The following MEF2C variants were observed in gnomAD, a reference collection of about 807,000 sequenced individuals.
The protein encoded by MEF2C is myocyte enhancer factor 2C, also known as myocyte-specific enhancer factor 2C.
A neutral mutation model predicts 50.5 loss-of-function variants in MEF2C; 6 were observed. The observed-to-expected ratio is 0.12, with a 90% CI of 0.07 to 0.23. The LOEUF is 0.23. MEF2C is among the 10% of genes least tolerant of loss of function. The pLI is 1.00. For synonymous variants in MEF2C, 183 were observed against 228.0 expected (o/e 0.80, Z 1.78); for missense variants, 276 against 605.0 (o/e 0.46, Z 5.70).
At chr5:88,740,511 C>T in intron 6 of MEF2C, 2 of 983,246 alleles carry the variant, frequency 2.0e-6, no homozygotes, top group Non-Finnish European at 2.4e-6. Context: ...GCTTAAGAAG[C>T]TTCCGTTACT....
At chr5:88,731,971 C>A (rs1761874633) in intron 6 of MEF2C, 70 bp from the exon 7 acceptor site, 5 of 1,387,228 alleles carry the variant, frequency 3.6e-6, no homozygotes, top group African/African-American at 1.5e-5. Context: ...GAATACACAA[C>A]ATGAGAATAA....
chr5:88,870,613 C>T (rs1418130168), intron 1 of MEF2C, among the ~76,000 whole-genome samples: 1 of 152,042 alleles, frequency 6.6e-6, no homozygotes, highest in Non-Finnish European at 1.5e-5. Context: ...TGAACATCAT[C>T]CAACCACCTC....
chr5:88,832,875 G>T (rs60586472), intron 1 of MEF2C, among the ~76,000 whole-genome samples: 1,532 of 152,168 alleles, frequency 0.01, 26 homozygotes, highest in African/African-American at 0.036. Flanking sequence ...GGTACTTGAT[G>T]CAGGCTGTCA....
intron 3 of MEF2C, among the ~76,000 whole-genome samples, chr5:88,786,044 A>G (rs1790717647): frequency 6.6e-6 from 1 of 152,014 alleles, no homozygotes; most frequent in Admixed American, 6.5e-5. Context: ...GAGCCAGGCT[A>G]TTTTTAGTTA....
intron 6 of MEF2C, chr5:88,740,552 G>A: frequency 1.0e-6 from 1 of 984,818 alleles, no homozygotes; most frequent in Non-Finnish European, 1.2e-6. Context: ...GCAAGGAAGA[G>A]GCTTTGATTT....
chr5:88,781,424 C>G (rs548756702), intron 3 of MEF2C, among the ~76,000 whole-genome samples: 1 of 152,174 alleles, frequency 6.6e-6, no homozygotes, highest in Admixed American at 6.5e-5. Flanking sequence ...TTTATTATCC[C>G]TTTTTTACTG....
At chr5:88,779,198 C>G (rs1190353432) in intron 3 of MEF2C, among the ~76,000 whole-genome samples, 3 of 152,142 alleles carry the variant, frequency 2.0e-5, no homozygotes, top group African/African-American at 7.2e-5. Flanking sequence ...ATGTCTCAAA[C>G]AGCCATCACC....
At chr5:88,817,498 G>C (rs1198192278) in intron 2 of MEF2C, among the ~76,000 whole-genome samples, 4 of 151,888 alleles carry the variant, frequency 2.6e-5, no homozygotes, top group African/African-American at 4.8e-5. Flanking sequence ...CATAAGAAGA[G>C]GGAAAGTTAG....
intron 3 of MEF2C, among the ~76,000 whole-genome samples, chr5:88,763,747 T>C (rs1233214980): frequency 6.6e-6 from 1 of 151,916 alleles, no homozygotes; most frequent in Admixed American, 6.6e-5. Context: ...CTCCACATTG[T>C]AGGCCCAGAC....
At chr5:88,901,982 C>CTTA (rs987832822) in intron 1 of MEF2C, among the ~76,000 whole-genome samples, 5 of 151,628 alleles carry the variant, frequency 3.3e-5, no homozygotes, top group African/African-American at 1.2e-4. Flanking sequence ...TTTTGGTTTG[C>CTTA]TTATACTTAA....
intron 1 of MEF2C, among the ~76,000 whole-genome samples, chr5:88,863,013 T>C (rs752954525): frequency 6.6e-6 from 1 of 152,144 alleles, no homozygotes; most frequent in African/African-American, 2.4e-5. Flanking sequence ...GAAAAACATA[T>C]GAAAGTCTGC....
intron 1 of MEF2C, among the ~76,000 whole-genome samples, chr5:88,842,695 T>C (rs931304349): frequency 3.9e-5 from 6 of 152,084 alleles, no homozygotes; most frequent in East Asian, 1.9e-4. Context: ...AAATTCGCAG[T>C]AGGAAAAAGG....
intron 1 of MEF2C, among the ~76,000 whole-genome samples, chr5:88,863,732 C>A (rs1826274374): frequency 6.6e-6 from 1 of 152,172 alleles, no homozygotes; most frequent in African/African-American, 2.4e-5. Flanking sequence ...CAAATGAGAT[C>A]ACACAGTATT....
intron 1 of MEF2C, among the ~76,000 whole-genome samples, chr5:88,852,609 G>A (rs748862403): frequency 1.3e-5 from 2 of 151,912 alleles, no homozygotes; most frequent in Admixed American, 6.6e-5. Context: ...GGTGGCTCAC[G>A]CCTGTAATCC....
At chr5:88,759,233 A>G (rs879436270) in intron 4 of MEF2C, among the ~76,000 whole-genome samples, 1 of 152,260 alleles carries the variant, frequency 6.6e-6, no homozygotes, top group Non-Finnish European at 1.5e-5. Flanking sequence ...CTGTAATCCC[A>G]GCACCTTGGG....
At chr5:88,892,009 A>G (rs1409530646) in intron 1 of MEF2C, among the ~76,000 whole-genome samples, 1 of 145,672 alleles carries the variant, frequency 6.9e-6, no homozygotes, top group Non-Finnish European at 1.6e-5. Context: ...ATAATTTTAA[A>G]TTAATAACAA....
rs541775989 is a variant in MEF2C, at chr5:88,738,484, A to G, written c.638-6583T>C. Reference sequence around the variant, plus strand: ...TCCCTATGAAAAATGAGAAATGAGAAAACCGAAGAAAAGAGAGGTCCAGGA... The same window carrying G: ...TCCCTATGAAAAATGAGAAATGAGAGAACCGAAGAAAAGAGAGGTCCAGGA... On this transcript the variant is annotated intron_variant, in intron 6 of 10. Transcript: ENST00000504921. 9.3e-6 allele frequency: 8 copies of G among 859,176 alleles called. No homozygotes were observed. In the East Asian group the frequency reaches 8.5e-4, roughly 92 times the overall value. 53.2% of individuals were successfully genotyped at this position (859,176 alleles called of 1,614,324 possible).
rs777639006 is a variant in MEF2C, at chr5:88,783,555, G to A, written c.258+21043C>T. 1.1e-4 allele frequency among the ~76,000 whole-genome samples: 16 copies of A among 152,198 alleles called. 1 individual carries two copies. Among genetic ancestry groups the A allele is most frequent in the Non-Finnish European group, 1.8e-4 (12 of 68,018 alleles). On this transcript the variant is annotated intron_variant, in intron 3 of 10. Coordinates refer to ENST00000504921, the MANE Select transcript of MEF2C (RefSeq NM_002397.5). ...GGCTGAGGAAGAATTGCTTGAACCCGGGAGGTGGAGGTTGCGGTGAGCTGA... is the reference window on the plus strand; with the variant it reads ...GGCTGAGGAAGAATTGCTTGAACCCAGGAGGTGGAGGTTGCGGTGAGCTGA...
chr5:88,889,147 C>G (rs1274037089), intron 1 of MEF2C: 1 of 152,194 alleles, frequency 6.6e-6, no homozygotes, highest in Admixed American at 6.5e-5. Context: ...TCAATCCGGA[C>G]GGCCCTCAAA....
Sources: allele counts gnomAD v4.1 joint callset (sites outside exome capture counted in the v4.1 genomes callset), GRCh38; gene constraint gnomAD v4.1.1; transcripts MANE v1.5; gene names NCBI Gene and HGNC (gene_info 2026-07-23, HGNC 2026-07-21).